MAP2: variants seen among roughly 807,000 people sequenced by gnomAD.
MAP2 encodes microtubule-associated protein 2.
Under a neutral mutation model 137.6 loss-of-function variants are expected in MAP2, and 14 were observed. That is an observed-to-expected ratio of 0.10 (90% CI 0.07 to 0.16). The LOEUF is 0.16. Ranked by LOEUF, MAP2 falls within the 10% of genes least tolerant of loss-of-function variation. The pLI, the probability that MAP2 is intolerant of heterozygous loss-of-function variation, is 1.00. For missense variants in MAP2, 2,088 were observed against 2,191.5 expected (o/e 0.95, Z 0.94); for synonymous variants, 786 against 782.3 (o/e 1.00, Z -0.08).
Position 209,497,610 on chromosome 2 carries a change from A to C in MAP2, c.-221-9982A>C, listed in dbSNP as rs556387943. On this transcript the variant is annotated intron_variant, in intron 1 of 15. Coordinates refer to ENST00000682079, the MANE Select transcript of MAP2 (RefSeq NM_001375505.1). ...GCTATACAGGAAACATAGTGCTGGCATCAGCTCATGGGGAGGACTCAGGGA... is the reference window on the plus strand; with the variant it reads ...GCTATACAGGAAACATAGTGCTGGCCTCAGCTCATGGGGAGGACTCAGGGA... Among the ~76,000 whole-genome samples, 4 of 152,344 alleles carry C rather than the reference A, an allele frequency of 2.6e-5. No individual in the cohort carries two copies. The South Asian group carries it at 8.3e-4, about 32-fold the overall frequency.
rs553331456 is a variant in MAP2 at position 209,573,607 on chromosome 2, T to C, written c.-171-6429T>C. Reference sequence around the variant, plus strand: ...CTGTGCCCAGCCCCTTATTACTTTATTTTTTACTGAGTTATTGAGATATAA... The same window carrying C: ...CTGTGCCCAGCCCCTTATTACTTTACTTTTTACTGAGTTATTGAGATATAA... On this transcript the variant is annotated intron_variant, in intron 2 of 15. Transcript: ENST00000682079. 2.0e-5 allele frequency among the ~76,000 whole-genome samples: 3 copies of C among 152,310 alleles called. No homozygotes were observed. The East Asian group carries it at 5.8e-4, about 29-fold the overall frequency.
chr2:209,561,942 C>T (rs76444509), intron 2 of MAP2, among the ~76,000 whole-genome samples: 3,016 of 152,140 alleles, frequency 0.02, 95 homozygotes, highest in African/African-American at 0.068. Context: ...TATAGTTCTC[C>T]GCAAGTAGCT....
At chr2:209,488,370 C>A (rs2058656092) in intron 1 of MAP2, among the ~76,000 whole-genome samples, 2 of 152,136 alleles carry the variant, frequency 1.3e-5, no homozygotes. Flanking sequence ...TTTGGGCAGA[C>A]ACTGAACTAG....
chr2:209,598,087 C>T (rs572974207), intron 3 of MAP2, among the ~76,000 whole-genome samples: 1 of 152,168 alleles, frequency 6.6e-6, no homozygotes, highest in South Asian at 2.1e-4. Flanking sequence ...CTCACTGCAA[C>T]CTCTGCCTCC....
intron 2 of MAP2, among the ~76,000 whole-genome samples, chr2:209,523,975 C>G (rs894819122): frequency 6.6e-6 from 1 of 152,088 alleles, no homozygotes; most frequent in East Asian, 1.9e-4. Context: ...TGTTTGCCTG[C>G]TCACTGATGA....
chr2:209,567,414 A>G (rs1244505310), intron 2 of MAP2, among the ~76,000 whole-genome samples: 1 of 152,144 alleles, frequency 6.6e-6, no homozygotes, highest in Non-Finnish European at 1.5e-5. Context: ...AGGGGAAGGC[A>G]AAACAAAGAT....
At chr2:209,518,908 TTAAAGA>T (rs1172682666) in intron 2 of MAP2, among the ~76,000 whole-genome samples, 1 of 152,074 alleles carries the variant, frequency 6.6e-6, no homozygotes, top group Non-Finnish European at 1.5e-5. Flanking sequence ...TTGTTTATAA[TTAAAGA>T]TAAATGAAAT....
At chr2:209,565,107 A>G (rs1194229637) in intron 2 of MAP2, among the ~76,000 whole-genome samples, 1 of 152,256 alleles carries the variant, frequency 6.6e-6, no homozygotes, top group East Asian at 1.9e-4. Flanking sequence ...TACTCATAAC[A>G]TTTAATTTGC....
chr2:209,608,326 T>C (rs1269753394), intron 3 of MAP2, among the ~76,000 whole-genome samples: 1 of 152,036 alleles, frequency 6.6e-6, no homozygotes, highest in African/African-American at 2.4e-5. Context: ...TCTTGCTGTG[T>C]CACCCAGGCT....
intron 1 of MAP2, among the ~76,000 whole-genome samples, chr2:209,501,676 T>C (rs942936899): frequency 2.0e-5 from 3 of 152,164 alleles, no homozygotes; most frequent in Non-Finnish European, 4.4e-5. Context: ...ACACAAAAAG[T>C]CTTGACCTGT....
At chr2:209,645,713 A>G (rs927317738) in intron 4 of MAP2, among the ~76,000 whole-genome samples, 8 of 152,222 alleles carry the variant, frequency 5.3e-5, no homozygotes, top group Non-Finnish European at 7.3e-5. Context: ...TTATGTATTT[A>G]TGATATATAT....
At chr2:209,707,049 T>C (rs1472241211) in intron 12 of MAP2, among the ~76,000 whole-genome samples, 2 of 152,104 alleles carry the variant, frequency 1.3e-5, no homozygotes, top group Non-Finnish European at 2.9e-5. Context: ...AGAGTTGAAA[T>C]TGAACATAAT....
intron 1 of MAP2, among the ~76,000 whole-genome samples, chr2:209,434,193 T>C (rs550885203): frequency 1.1e-4 from 16 of 152,208 alleles, no homozygotes; most frequent in Admixed American, 2.6e-4. Flanking sequence ...ATGGACTTAG[T>C]GTAATGCTCT....
chr2:209,716,371 A>G (rs1159455975), intron 13 of MAP2, among the ~76,000 whole-genome samples: 5 of 152,188 alleles, frequency 3.3e-5, no homozygotes, highest in African/African-American at 1.2e-4. Context: ...ATGATTATGA[A>G]TGTTTTATGT....
At chr2:209,692,333 A>C in intron 7 of MAP2, among the ~76,000 whole-genome samples, 1 of 82,788 alleles carries the variant, frequency 1.2e-5, no homozygotes, top group Non-Finnish European at 3.4e-5. Context: ...TGTTTAGGAG[A>C]GACCAAAAAA....
chr2:209,689,918 C>T (rs1021661769), intron 7 of MAP2, among the ~76,000 whole-genome samples: 2 of 152,096 alleles, frequency 1.3e-5, no homozygotes, highest in Non-Finnish European at 2.9e-5. Flanking sequence ...TTCATTTTCT[C>T]CAACATCATA....
At chr2:209,715,902 A>C (rs1334680666) in intron 13 of MAP2, among the ~76,000 whole-genome samples, 2 of 152,182 alleles carry the variant, frequency 1.3e-5, no homozygotes, top group Non-Finnish European at 2.9e-5. Context: ...CATATTGCTA[A>C]ACCAAAAATC....
At chr2:209,552,644 C>T (rs10204207) in intron 2 of MAP2, among the ~76,000 whole-genome samples, 28,718 of 151,830 alleles carry the variant, frequency 0.19, 3,546 homozygotes, top group African/African-American at 0.36. Context: ...GGGTGGATCA[C>T]GAGGTCAGGA....
intron 1 of MAP2, among the ~76,000 whole-genome samples, chr2:209,504,112 AAGAG>A (rs1553562979): frequency 1.3e-5 from 2 of 151,784 alleles, no homozygotes; most frequent in African/African-American, 4.8e-5. Flanking sequence ...AAAAAAAAAA[AAGAG>A]AGAGACTAAG....
Sources: gnomAD v4.1 joint callset for allele counts (sites outside exome capture counted in the v4.1 genomes callset) on GRCh38, gnomAD v4.1.1 for gene constraint, MANE v1.5 for transcripts, NCBI Gene and HGNC (gene_info 2026-07-23, HGNC 2026-07-21) for gene names.